The following MTMR10 variants were observed in gnomAD, a reference collection of about 807,000 sequenced individuals.
MTMR10 encodes the protein myotubularin related protein 10.
MTMR10 carries 56 observed loss-of-function variants against 88.1 expected under a neutral mutation model. That is an observed-to-expected ratio of 0.64 (90% CI 0.51 to 0.79). The LOEUF (loss-of-function observed/expected upper bound fraction) is 0.79, where lower values mean the gene tolerates loss of function less well. MTMR10 is among the 30% of genes least tolerant of loss of function. The pLI is 0.00. For missense variants in MTMR10, 883 were observed against 924.7 expected (o/e 0.95, Z 0.58); for synonymous variants, 380 against 340.9 (o/e 1.11, Z -1.26).
At chr15:30,955,486 G>A (rs1399566429) in intron 9 of MTMR10, among the ~76,000 whole-genome samples, 4 of 152,124 alleles carry the variant, frequency 2.6e-5, no homozygotes, top group Non-Finnish European at 5.9e-5. Flanking sequence ...TGGCCAGGCT[G>A]GTCTCAAACT....
chr15:30,977,244 T>C (rs1236244711), intron 2 of MTMR10, among the ~76,000 whole-genome samples: 2 of 152,228 alleles, frequency 1.3e-5, no homozygotes, highest in South Asian at 2.1e-4. Flanking sequence ...CTCTCATTAT[T>C]TATCTGCTGG....
intron 6 of MTMR10, among the ~76,000 whole-genome samples, chr15:30,967,660 C>G (rs543290502): frequency 1.3e-5 from 2 of 152,082 alleles, no homozygotes; most frequent in Non-Finnish European, 2.9e-5. Flanking sequence ...TCATAAAATA[C>G]AAGCCAGTGA....
chr15:30,938,776 G>A (rs1432518302), downstream of MTMR10, among the ~76,000 whole-genome samples: 1 of 152,082 alleles, frequency 6.6e-6, no homozygotes, highest in African/African-American at 2.4e-5. Flanking sequence ...TTTAACTTTA[G>A]CCACTTCCGA....
intron 3 of MTMR10, among the ~76,000 whole-genome samples, chr15:30,975,299 T>G (rs2030041045): frequency 6.6e-6 from 1 of 152,212 alleles, no homozygotes; most frequent in Non-Finnish European, 1.5e-5. Context: ...AAAGGGCTCT[T>G]AGGTCATCAG....
rs1555409484 is a variant in MTMR10, at chr15:30,963,654, T to TAGATAGATAGACAGACAGAC, written c.566-2582_566-2581insGTCTGTCTGTCTATCTATCT. Among the ~76,000 whole-genome samples, 7 of 145,988 alleles carry TAGATAGATAGACAGACAGAC rather than the reference T, an allele frequency of 4.8e-5. No individual in the cohort carries two copies. In the East Asian group the frequency reaches 9.9e-4, roughly 21 times the overall value. On this transcript the variant is annotated intron_variant, in intron 6 of 15. Coordinates refer to ENST00000435680, the MANE Select transcript of MTMR10 (RefSeq NM_017762.3). ...TCTGTCTCAAAAATAAATAGACAGA[T>TAGATAGATAGACAGACAGAC]AGATAGATAGACAGACAGATAGATA...
At chr15:30,927,943 AG>A in the MTMR10 span, 5 of 985,668 alleles carry the variant, frequency 5.1e-6, no homozygotes, top group African/African-American at 8.7e-5. Flanking sequence ...GTGTGACGTG[AG>A]GAGGGGCACT....
At chr15:30,937,161 CAGA>C, downstream of MTMR10, 1 of 1,613,958 alleles carries the variant, frequency 6.2e-7, no homozygotes, top group Non-Finnish European at 8.5e-7. Flanking sequence ...TTCACATAAG[CAGA>C]TGATCTGGCT....
rs562241885 is a variant in MTMR10 at position 30,971,793 on chromosome 15, T to C, written c.474+2521A>G. On this transcript the variant is annotated intron_variant, in intron 5 of 15. Coordinates refer to ENST00000435680, the MANE Select transcript of MTMR10 (RefSeq NM_017762.3). ...GGTTCTAAGTTGCTATGAGGTTAGA[T>C]GTCCAATTCTGCACCATCAAATTCC... Among the ~76,000 whole-genome samples, 3 of 152,312 alleles carry C rather than the reference T, an allele frequency of 2.0e-5. No homozygotes were observed. In the South Asian group the frequency reaches 6.2e-4, roughly 32 times the overall value.
At chr15:30,933,491 T>G in the MTMR10 span, among the ~76,000 whole-genome samples, 1 of 152,236 alleles carries the variant, frequency 6.6e-6, no homozygotes, top group African/African-American at 2.4e-5. Context: ...GGACATATTT[T>G]GTATGATTTG....
At chr15:30,974,863 G>T in intron 4 of MTMR10, 68 bp downstream of exon 4, 1 of 1,122,328 alleles carries the variant, frequency 8.9e-7, no homozygotes, top group Non-Finnish European at 1.2e-6. Flanking sequence ...ATTTTGAGAG[G>T]TATGACTTTT....
chr15:30,933,315 A>T, the MTMR10 span, among the ~76,000 whole-genome samples: 115 of 152,222 alleles, frequency 7.6e-4, no homozygotes, highest in East Asian at 0.016. Context: ...CAAATTTAGT[A>T]GTTGTTTTCA....
chr15:30,923,640 G>A, the MTMR10 span, among the ~76,000 whole-genome samples: 1 of 152,198 alleles, frequency 6.6e-6, no homozygotes, highest in South Asian at 2.1e-4. Flanking sequence ...GGGCAGAGGT[G>A]GAGCCAGCTG....
At chr15:30,966,539 AC>A (rs2063474093) in intron 6 of MTMR10, among the ~76,000 whole-genome samples, 1 of 152,192 alleles carries the variant, frequency 6.6e-6, no homozygotes, top group South Asian at 2.1e-4. Context: ...CACTCCTACA[AC>A]CCTTGCAACT....
downstream of MTMR10, among the ~76,000 whole-genome samples, chr15:30,935,639 A>AG: frequency 1.3e-5 from 2 of 152,220 alleles, no homozygotes; most frequent in Admixed American, 1.3e-4. Flanking sequence ...TTGGTAACAG[A>AG]GGGGGTCCTT....
chr15:30,963,636 C>T lies in MTMR10; in HGVS notation c.566-2563G>A, dbSNP rs1309732013. ...TGAGCGACACAGCGAGACTCTGTCT[C>T]AAAAATAAATAGACAGATAGATAGA... is the stretch of plus-strand genomic sequence containing the variant. On this transcript the variant is annotated intron_variant, in intron 6 of 15. Transcript: ENST00000435680. Among the ~76,000 whole-genome samples, 4 of 52,510 alleles carry T rather than the reference C, an allele frequency of 7.6e-5. No individual in the cohort carries two copies. In the Admixed American group the frequency reaches 8.9e-4, roughly 12 times the overall value. The allele number at this position is 52,510 out of a possible 152,430, so 34.4% of individuals were successfully genotyped here.
chr15:30,988,626 A>G (rs1161768975), intron 2 of MTMR10, among the ~76,000 whole-genome samples: 1 of 152,234 alleles, frequency 6.6e-6, no homozygotes, highest in Non-Finnish European at 1.5e-5. Context: ...CCTCAGTGAG[A>G]AAGTTCTTCA....
At chr15:30,983,519 T>C (rs992216766) in intron 2 of MTMR10, among the ~76,000 whole-genome samples, 1 of 152,232 alleles carries the variant, frequency 6.6e-6, no homozygotes, top group Non-Finnish European at 1.5e-5. Context: ...CATTTAGAAA[T>C]TCATCACGTT....
Position 30,974,954 on chromosome 15 carries a change from G to A in MTMR10, c.308C>T (p.Thr103Ile), listed in dbSNP as rs1263297921. 2 of 1,577,636 alleles carry A rather than the reference G, an allele frequency of 1.3e-6. No individual in the cohort carries two copies. The highest frequency in any genetic ancestry group is 2.3e-5 in the South Asian group (2 of 85,974). The stretch of plus-strand genomic sequence containing the variant: ...ACCTGTGACAATTTGCTCAATACAT[G>A]TTAAAGGGACATCGTGTTCACCAAG... ...LLLGEHDVPL[T>I]CIEQIVTVND... Residue 103 changes from threonine (T) to isoleucine (I), a missense_variant, in exon 4 of 16, where the codon ACA (threonine) becomes ATA (isoleucine). Around this residue, in one of 3 missense-constraint regions of MTMR10, gnomAD observed 414 missense variants for 423.2 expected, o/e 0.98. Transcript: ENST00000435680.
At chr15:30,979,525 C>CT (rs1275851902) in intron 2 of MTMR10, among the ~76,000 whole-genome samples, 1 of 151,790 alleles carries the variant, frequency 6.6e-6, no homozygotes, top group Non-Finnish European at 1.5e-5. Context: ...TTGCAGTGCA[C>CT]TCCAGACTGG....
Sources: allele counts gnomAD v4.1 joint callset (sites outside exome capture counted in the v4.1 genomes callset), GRCh38; gene constraint gnomAD v4.1.1; regional missense constraint gnomAD v4.1.1; transcripts MANE v1.5; gene names NCBI Gene and HGNC (gene_info 2026-07-23, HGNC 2026-07-21).